Variants in TNS3 observed in about 807,000 individuals in gnomAD.
TNS3 encodes the protein tensin-3.
A neutral mutation model predicts 140.9 loss-of-function variants in TNS3; 45 were observed. That is an observed-to-expected ratio of 0.32 (90% CI 0.25 to 0.41). The LOEUF (loss-of-function observed/expected upper bound fraction) is 0.41, where lower values mean the gene tolerates loss of function less well. Ranked by LOEUF, TNS3 falls within the 10% of genes least tolerant of loss-of-function variation. The pLI is 1.00. For synonymous variants in TNS3, 815 were observed against 788.4 expected (o/e 1.03, Z -0.56); for missense variants, 1,716 against 1,906.7 (o/e 0.90, Z 1.86).
At chr7:47,459,207 A>G (rs535793343) in intron 4 of TNS3, among the ~76,000 whole-genome samples, 1 of 152,280 alleles carries the variant, frequency 6.6e-6, no homozygotes, top group South Asian at 2.1e-4. Context: ...AAATGTTAAC[A>G]TCCTTAGTGG....
intron 1 of TNS3, among the ~76,000 whole-genome samples, chr7:47,581,224 C>T (rs557485364): frequency 6.6e-6 from 1 of 152,176 alleles, no homozygotes; most frequent in East Asian, 1.9e-4. Context: ...GACCCCTGGG[C>T]CGTCCGGGAC....
chr7:47,569,516 C>T (rs1800504446), intron 1 of TNS3, among the ~76,000 whole-genome samples: 1 of 151,092 alleles, frequency 6.6e-6, no homozygotes, highest in African/African-American at 2.5e-5. Flanking sequence ...TGCACTCCAG[C>T]CTGGGCAACA....
At chr7:47,533,569 T>C (rs1289645650) in intron 1 of TNS3, among the ~76,000 whole-genome samples, 1 of 151,960 alleles carries the variant, frequency 6.6e-6, no homozygotes, top group African/African-American at 2.4e-5. Flanking sequence ...AGTCCTCTCA[T>C]AATAATAAAA....
In TNS3 at chr7:47,383,409, C is replaced by T. The variant is rs186110162; in HGVS notation, c.1024+13391G>A. 5.1e-4 allele frequency among the ~76,000 whole-genome samples: 77 copies of T among 152,220 alleles called. 4 individuals carry two copies. The East Asian group carries it at 9.7e-3, about 19-fold the overall frequency. ...GAGGAAAGGAGGAACTGGGAGTGAC[C>T]ACTAATGAGTACAGGGCTTCTTTTG... On this transcript the variant is annotated intron_variant, in intron 16 of 30. Coordinates refer to ENST00000311160, the MANE Select transcript of TNS3 (RefSeq NM_022748.12).
chr7:47,372,968 T>G (rs1398967511), intron 16 of TNS3, among the ~76,000 whole-genome samples: 1 of 152,186 alleles, frequency 6.6e-6, no homozygotes, highest in Non-Finnish European at 1.5e-5. Context: ...AGCACAGATC[T>G]TCCTAAAGGT....
chr7:47,358,237 C>T (rs1790111121), intron 17 of TNS3, among the ~76,000 whole-genome samples: 1 of 152,036 alleles, frequency 6.6e-6, no homozygotes, highest in Admixed American at 6.6e-5. Flanking sequence ...TCCCCAGTTC[C>T]AGTGATTCTC....
chr7:47,278,237 C>T lies in TNS3; in HGVS notation c.4194-17G>A, dbSNP rs1254064641. On this transcript the variant is annotated splice_polypyrimidine_tract_variant and intron_variant, in intron 30 of 30. Coordinates refer to ENST00000311160, the MANE Select transcript of TNS3 (RefSeq NM_022748.12). The stretch of plus-strand genomic sequence containing the variant: ...CCAAAGACTCTGCCAAAGGAAAGTC[C>T]AGTCAGAGTGGTCAGTGTCCCACAA... 7 of 1,611,244 alleles carry T rather than the reference C, an allele frequency of 4.3e-6. No homozygotes were observed. The highest frequency in any genetic ancestry group is 5.9e-6 in the Non-Finnish European group (7 of 1,178,762).
intron 8 of TNS3, among the ~76,000 whole-genome samples, chr7:47,434,251 C>T (rs1426029348): frequency 6.7e-6 from 1 of 149,540 alleles, no homozygotes; most frequent in Non-Finnish European, 1.5e-5. Flanking sequence ...TTCTTTCAAA[C>T]TAAATTCCAT....
At chr7:47,439,716 C>A in intron 5 of TNS3, 58 bp from the exon 6 acceptor site, 1 of 1,576,428 alleles carries the variant, frequency 6.3e-7, no homozygotes, top group Non-Finnish European at 8.6e-7. Context: ...GACATTCATC[C>A]TCTAGGAAAA....
chr7:47,448,517 C>T lies in TNS3; in HGVS notation c.-75-6462G>A, dbSNP rs1325858452. Among the ~76,000 whole-genome samples the T allele has an allele frequency of 1.8e-4, 27 of 147,248 alleles. 1 individual carries two copies. Among genetic ancestry groups the T allele is most frequent in the African/African-American group, 6.8e-4 (26 of 38,442 alleles). On this transcript the variant is annotated intron_variant, in intron 4 of 30. Coordinates refer to ENST00000311160, the MANE Select transcript of TNS3 (RefSeq NM_022748.12). The stretch of plus-strand genomic sequence containing the variant: ...TTTTTTGAGACAGAGTCTCACTCTG[C>T]CACCCAGGCTGGAATGGAGTGGCAC...
At chr7:47,438,822 T>C (rs1795318450) in intron 6 of TNS3, among the ~76,000 whole-genome samples, 1 of 152,100 alleles carries the variant, frequency 6.6e-6, no homozygotes, top group Non-Finnish European at 1.5e-5. Flanking sequence ...GGAGGCCTCC[T>C]TACTAGAGAT....
chr7:47,344,772 T>C lies in TNS3; in HGVS notation c.2633A>G (p.Gln878Arg). 1 of 1,612,866 alleles carries C rather than the reference T, an allele frequency of 6.2e-7. No homozygotes were observed. The highest frequency in any genetic ancestry group is 2.2e-5 in the East Asian group (1 of 44,872). ...PEPPLSSPAS[Q>R]HKGGREPRSC... ...TTTCTTACCACGTCCTCCTTTGTGCTGACTGGCTGGGCTGCTCAGCGGGGG... is the reference window on the plus strand; with the variant it reads ...TTTCTTACCACGTCCTCCTTTGTGCCGACTGGCTGGGCTGCTCAGCGGGGG... The change falls in exon 20 of 31, where the codon CAG (glutamine) becomes CGG (arginine). Residue 878 changes from glutamine (Q) to arginine (R), a missense_variant. Gln to Arg is a conservative substitution (Grantham distance 43). Around this residue, in one of 3 missense-constraint regions of TNS3, gnomAD observed 1,163 missense variants for 1,182.1 expected, o/e 0.98. Transcript: ENST00000311160.
In TNS3 at chr7:47,401,089, G is replaced by A. The variant is rs538350139; in HGVS notation, c.724-175C>T. 4.1e-3 allele frequency among the ~76,000 whole-genome samples: 619 copies of A among 152,320 alleles called. 4 individuals are homozygous for A. Among genetic ancestry groups the A allele is most frequent in the African/African-American group, 0.013 (535 of 41,580 alleles). On this transcript the variant is annotated intron_variant, in intron 13 of 30. Transcript: ENST00000311160. ...GGGGCACAGGCGCCTGCAGACAGCT[G>A]GGGTGCAGGCAGAGGCACCACACTG...
At chr7:47,340,205 C>T (rs1184179700) in intron 20 of TNS3, among the ~76,000 whole-genome samples, 1 of 137,294 alleles carries the variant, frequency 7.3e-6, no homozygotes, top group Non-Finnish European at 1.5e-5. Flanking sequence ...TCACTGTAAC[C>T]TCCACCTCCT....
rs545915954 is a variant in TNS3, at chr7:47,405,847, A to G, written c.724-4933T>C. 4.6e-5 allele frequency among the ~76,000 whole-genome samples: 7 copies of G among 152,202 alleles called. No homozygotes were observed. In the South Asian group the frequency reaches 1.0e-3, roughly 23 times the overall value. ...TGTGAAAACTTCTTGAGCAGGCAACACCTTTGTTTACAAGTCGGGTCACTG... is the reference window on the plus strand; with the variant it reads ...TGTGAAAACTTCTTGAGCAGGCAACGCCTTTGTTTACAAGTCGGGTCACTG... On this transcript the variant is annotated intron_variant, in intron 13 of 30. Transcript: ENST00000311160.
intron 4 of TNS3, chr7:47,453,270 C>T: frequency 1.0e-6 from 1 of 985,228 alleles, no homozygotes; most frequent in Non-Finnish European, 1.2e-6. Context: ...GGGACAGGAA[C>T]AAGAACAGCG....
intron 20 of TNS3, among the ~76,000 whole-genome samples, chr7:47,339,391 C>T (rs1195113617): frequency 1.3e-5 from 2 of 152,170 alleles, no homozygotes; most frequent in Non-Finnish European, 2.9e-5. Flanking sequence ...CCTTTGGTGG[C>T]TGTTCATTGT....
Position 47,400,954 on chromosome 7 carries a change from G to A in TNS3, c.724-40C>T, listed in dbSNP as rs933101665. On this transcript the variant is annotated intron_variant, in intron 13 of 30. Coordinates refer to ENST00000311160, the MANE Select transcript of TNS3 (RefSeq NM_022748.12). ...CAAAACAAAACAAAGTAGCTGCAGCGGGGGACACACGTTCCCGGCAAGGAA... is the reference window on the plus strand; with the variant it reads ...CAAAACAAAACAAAGTAGCTGCAGCAGGGGACACACGTTCCCGGCAAGGAA... 2.4e-5 allele frequency: 38 copies of A among 1,611,394 alleles called. 1 individual carries two copies. Among genetic ancestry groups the A allele is most frequent in the Middle Eastern group, 3.3e-4 (2 of 6,076 alleles).
rs183198290 is a variant in TNS3 at position 47,442,013 on chromosome 7, T to C, written c.-33A>G. 2 of 1,290,160 alleles carry C rather than the reference T, an allele frequency of 1.6e-6. No individual in the cohort carries two copies. Among genetic ancestry groups the C allele is most frequent in the Admixed American group, 4.6e-5 (2 of 43,524 alleles). The allele number at this position is 1,290,160 out of a possible 1,614,324, so 79.9% of individuals were successfully genotyped here. On this transcript the variant is annotated 5_prime_UTR_variant, in exon 5 of 31. The change creates a new upstream start codon in the 5' untranslated region. Coordinates refer to ENST00000311160, the MANE Select transcript of TNS3 (RefSeq NM_022748.12). The stretch of plus-strand genomic sequence containing the variant: ...CACACAGACACTCACCGCAGAGGTT[T>C]ATCACGGCAGAGAGAACTGGACAGC...
Sources: gnomAD v4.1 joint callset for allele counts (sites outside exome capture counted in the v4.1 genomes callset) on GRCh38, gnomAD v4.1.1 for gene constraint, gnomAD v4.1.1 regional missense constraint, MANE v1.5 for transcripts, NCBI Gene and HGNC (gene_info 2026-07-23, HGNC 2026-07-21) for gene names.